MACROD2: variants seen among roughly 807,000 people sequenced by gnomAD.
The protein encoded by MACROD2 is mono-ADP ribosylhydrolase 2.
A neutral mutation model predicts 70.4 loss-of-function variants in MACROD2; 36 were observed. That is an observed-to-expected ratio of 0.51 (90% confidence interval 0.39 to 0.68). MACROD2 has a LOEUF of 0.68. MACROD2 is among the 30% of genes least tolerant of loss of function. The pLI, the probability that MACROD2 is intolerant of heterozygous loss-of-function variation, is 0.00. For missense variants in MACROD2, 496 were observed against 538.4 expected, an observed-to-expected ratio of 0.92 and a Z score of 0.78; for synonymous variants, 172 against 178.8, an observed-to-expected ratio of 0.96 and a Z score of 0.30.
chr20:14,234,769 G>A (rs2122216664), intron 3 of MACROD2, among the ~76,000 whole-genome samples: 1 of 152,182 alleles, frequency 6.6e-6, no homozygotes, highest in African/African-American at 2.4e-5. Context: ...GAGTTAAGCT[G>A]CATTCTTGTC....
intron 12 of MACROD2, among the ~76,000 whole-genome samples, chr20:15,954,597 A>G (rs2065950650): frequency 6.6e-6 from 1 of 152,194 alleles, no homozygotes; most frequent in South Asian, 2.1e-4. Context: ...AGTATGGCCT[A>G]CAGAGGTACC....
At chr20:14,061,616 G>A (rs953060044) in intron 2 of MACROD2, among the ~76,000 whole-genome samples, 1 of 152,060 alleles carries the variant, frequency 6.6e-6, no homozygotes, top group Non-Finnish European at 1.5e-5. Flanking sequence ...ATATCTTAGA[G>A]GTGGTTATTT....
intron 8 of MACROD2, among the ~76,000 whole-genome samples, chr20:15,821,566 A>C (rs1422374464): frequency 6.6e-6 from 1 of 152,094 alleles, no homozygotes; most frequent in Non-Finnish European, 1.5e-5. Context: ...TGTACAGTCA[A>C]CCCTCTGAAT....
At chr20:15,398,757 C>T (rs910133322) in intron 6 of MACROD2, among the ~76,000 whole-genome samples, 1 of 152,174 alleles carries the variant, frequency 6.6e-6, no homozygotes, top group Non-Finnish European at 1.5e-5. Flanking sequence ...CCAGCAAGCA[C>T]AACTGTGTTC....
intron 7 of MACROD2, among the ~76,000 whole-genome samples, chr20:15,451,417 TAAAAAA>T (rs35308671): frequency 0.059 from 4,902 of 83,406 alleles, 105 homozygotes; most frequent in Middle Eastern, 0.15. Context: ...GGGTGGTAAA[TAAAAAA>T]AAAAAAAAAA....
intron 5 of MACROD2, among the ~76,000 whole-genome samples, chr20:14,757,309 A>G (rs2071954228): frequency 6.6e-6 from 1 of 152,174 alleles, no homozygotes; most frequent in South Asian, 2.1e-4. Context: ...CTTAATTATT[A>G]TATTTCACTT....
At chr20:14,315,850 A>G (rs2082607892) in intron 3 of MACROD2, among the ~76,000 whole-genome samples, 1 of 152,212 alleles carries the variant, frequency 6.6e-6, no homozygotes, top group Non-Finnish European at 1.5e-5. Context: ...ACATTCTATG[A>G]TATATTGGCT....
chr20:15,913,397 A>G (rs2065265163), intron 10 of MACROD2, among the ~76,000 whole-genome samples: 1 of 152,042 alleles, frequency 6.6e-6, no homozygotes, highest in Non-Finnish European at 1.5e-5. Flanking sequence ...TTCTTTTTTT[A>G]TAACTTTTAC....
intron 6 of MACROD2, among the ~76,000 whole-genome samples, chr20:15,281,970 A>T (rs191349506): frequency 1.3e-5 from 2 of 152,314 alleles, no homozygotes; most frequent in Non-Finnish European, 2.9e-5. Flanking sequence ...TCCCAAACTC[A>T]ATTCTTGACT....
rs2081558188 is a variant in MACROD2 at position 14,210,064 on chromosome 20, A to G, written c.271+124336A>G. Among the ~76,000 whole-genome samples, 3 of 152,258 alleles carry G rather than the reference A, an allele frequency of 2.0e-5. No homozygotes were observed. The South Asian group carries it at 6.2e-4, about 31-fold the overall frequency. On this transcript the variant is annotated intron_variant, in intron 3 of 17. Transcript: ENST00000684519. Reference sequence around the variant, plus strand: ...TAAAAATAAAGCTCATATTGAGGGAAGAAAATTAATAGATTTGAATTAGCT... The same window carrying G: ...TAAAAATAAAGCTCATATTGAGGGAGGAAAATTAATAGATTTGAATTAGCT...
chr20:14,978,595 T>C (rs1219857818), intron 5 of MACROD2, among the ~76,000 whole-genome samples: 2 of 151,604 alleles, frequency 1.3e-5, no homozygotes, highest in Non-Finnish European at 2.9e-5. Context: ...TAAAAGGTTA[T>C]TTAAAGTCTC....
At chr20:14,153,531 G>A (rs776299017) in intron 3 of MACROD2, among the ~76,000 whole-genome samples, 2 of 152,138 alleles carry the variant, frequency 1.3e-5, no homozygotes, top group Admixed American at 6.5e-5. Context: ...TACAACCAAT[G>A]TTGCAGCTAT....
At chr20:14,711,933 C>CT (rs1297103692) in intron 5 of MACROD2, among the ~76,000 whole-genome samples, 1 of 152,148 alleles carries the variant, frequency 6.6e-6, no homozygotes, top group African/African-American at 2.4e-5. Flanking sequence ...TAGTCAGCTT[C>CT]TTAAGTGCTG....
At chr20:15,556,996 C>T (rs1457432529) in intron 8 of MACROD2, among the ~76,000 whole-genome samples, 1 of 152,122 alleles carries the variant, frequency 6.6e-6, no homozygotes, top group Non-Finnish European at 1.5e-5. Flanking sequence ...ATTAGCTTGA[C>T]CATTGCAAGT....
intron 8 of MACROD2, among the ~76,000 whole-genome samples, chr20:15,861,722 T>C (rs6135572): frequency 0.066 from 10,088 of 152,134 alleles, 622 homozygotes; most frequent in East Asian, 0.31. Context: ...GATCTCCTTT[T>C]CTACTGGGAA....
chr20:15,898,546 G>T (rs1295201620), intron 10 of MACROD2, among the ~76,000 whole-genome samples: 4 of 49,954 alleles, frequency 8.0e-5, no homozygotes, highest in East Asian at 6.0e-4. Context: ...GCAAGACTCA[G>T]TCTAAAAAAA....
chr20:14,000,361 A>G (rs939268815), intron 1 of MACROD2, among the ~76,000 whole-genome samples: 1 of 152,042 alleles, frequency 6.6e-6, no homozygotes, highest in Non-Finnish European at 1.5e-5. Flanking sequence ...TTCTAGTTAT[A>G]GGAGTGGGAA....
Position 15,773,670 on chromosome 20 carries a change from C to G in MACROD2, c.646-89075C>G, listed in dbSNP as rs563835964. On this transcript the variant is annotated intron_variant, in intron 8 of 17. Transcript: ENST00000684519. The stretch of plus-strand genomic sequence containing the variant: ...TTGATAACCTAAGCATTATAAACTT[C>G]AAGCAGTGTTTATAGTTTTGTTGTT... Among the ~76,000 whole-genome samples the G allele has an allele frequency of 3.9e-5, 6 of 152,208 alleles. No individual in the cohort carries two copies. The East Asian group carries it at 1.2e-3, about 29-fold the overall frequency.
intron 4 of MACROD2, among the ~76,000 whole-genome samples, chr20:14,662,127 A>G (rs993681317): frequency 9.2e-5 from 14 of 152,234 alleles, no homozygotes; most frequent in African/African-American, 3.4e-4. Flanking sequence ...GAACTAAAAA[A>G]AGATGATAGA....
Sources: gnomAD v4.1 joint callset for allele counts (sites outside exome capture counted in the v4.1 genomes callset) on GRCh38, gnomAD v4.1.1 for gene constraint, MANE v1.5 for transcripts, NCBI Gene and HGNC (gene_info 2026-07-23, HGNC 2026-07-21) for gene names.